Variants in SLC19A1 observed in about 807,000 individuals in gnomAD.
SLC19A1 encodes reduced folate transporter.
A neutral mutation model predicts 35.3 loss-of-function variants in SLC19A1; 37 were observed. The observed-to-expected ratio is 1.05, with a 90% CI of 0.81 to 1.38. The LOEUF (loss-of-function observed/expected upper bound fraction) is 1.38, where lower values mean the gene tolerates loss of function less well. Among genes scored for constraint, SLC19A1 ranks in the 40% most tolerant of loss-of-function variants. The pLI is 0.00. For missense variants in SLC19A1, 831 were observed against 826.9 expected, an observed-to-expected ratio of 1.00 and a Z score of -0.06; for synonymous variants, 460 against 398.5, an observed-to-expected ratio of 1.15 and a Z score of -1.84.
intron 4 of SLC19A1, among the ~76,000 whole-genome samples, chr21:45,529,881 G>A (rs374207167): frequency 6.6e-6 from 1 of 151,348 alleles, no homozygotes; most frequent in Non-Finnish European, 1.5e-5. Context: ...ATTCATGTGA[G>A]TGTGGTGGGT....
chr21:45,550,281 A>G (rs1284682485), intron 1 of SLC19A1, among the ~76,000 whole-genome samples: 4 of 152,076 alleles, frequency 2.6e-5, no homozygotes. Context: ...TGAGCCCCAA[A>G]GGGTCACATG....
At chr21:45,541,209 A>C (rs1165520027) in intron 1 of SLC19A1, among the ~76,000 whole-genome samples, 1 of 152,174 alleles carries the variant, frequency 6.6e-6, no homozygotes, top group Non-Finnish European at 1.5e-5. Flanking sequence ...AAATCCACCA[A>C]AGCCCCTTCG....
intron 1 of SLC19A1, among the ~76,000 whole-genome samples, chr21:45,541,432 C>T (rs748469995): frequency 6.6e-6 from 1 of 152,238 alleles, no homozygotes; most frequent in Non-Finnish European, 1.5e-5. Flanking sequence ...GGCCAACAGG[C>T]GCCTCCAAGG....
chr21:45,543,513 G>C (rs2078373059), upstream of SLC19A1, among the ~76,000 whole-genome samples: 3 of 152,214 alleles, frequency 2.0e-5, no homozygotes, highest in African/African-American at 4.8e-5. Context: ...AGCACAATCC[G>C]CGACCTGCCT....
chr21:45,561,782 T>G (rs2078617176), intron 1 of SLC19A1, among the ~76,000 whole-genome samples: 1 of 150,906 alleles, frequency 6.6e-6, no homozygotes, highest in South Asian at 2.1e-4. Flanking sequence ...AAATAAATAA[T>G]AAATAATTAA....
chr21:45,515,463 G>A lies in SLC19A1; in HGVS notation c.*195C>T, dbSNP rs2037860331. ...CGGGGCACAGTGCAGGGACAGCATG[G>A]CCAGGCAGCTGCCCTGAGTGTCGCC... is the stretch of plus-strand genomic sequence containing the variant. On this transcript the variant is annotated 3_prime_UTR_variant, in exon 6 of 6. Coordinates refer to ENST00000311124, the MANE Select transcript of SLC19A1 (RefSeq NM_194255.4). The A allele has an allele frequency of 1.3e-6, 2 of 1,485,524 alleles. No homozygotes were observed. The highest frequency in any genetic ancestry group is 2.5e-5 in the Admixed American group (1 of 40,106). The allele number at this position is 1,485,524 out of a possible 1,614,324, so 92.0% of individuals were successfully genotyped here. A position where few individuals can be genotyped will look rare whatever the true frequency, so the allele number is the denominator to read the frequency against.
chr21:45,526,721 G>A (rs992894012), intron 4 of SLC19A1, among the ~76,000 whole-genome samples: 6 of 152,164 alleles, frequency 3.9e-5, no homozygotes, highest in Admixed American at 2.0e-4. Flanking sequence ...ACAGGCACGC[G>A]CCATCATGCC....
Position 45,551,976 on chromosome 21 carries a change from G to A in SLC19A1, c.-50+10766C>T, listed in dbSNP as rs79128843. 9.6e-4 allele frequency among the ~76,000 whole-genome samples: 146 copies of A among 152,278 alleles called. 2 individuals carry two copies. In the East Asian group the frequency reaches 0.022, roughly 23 times the overall value. ...CGCCTGCGTGTTCTGCCGCCACGCT[G>A]GCCTGAGACCTCGGCTTCCTGTGCG... On this transcript the variant is annotated intron_variant, in intron 1 of 5. Coordinates refer to the SLC19A1 transcript ENST00000650808.
At position 45,505,208 on chromosome 21, in the gene SLC19A1, G is replaced by A. The variant is rs534342396; in HGVS notation, c.498-6596C>T. 111 of 1,603,498 alleles carry A rather than the reference G, an allele frequency of 6.9e-5. 1 individual carries two copies. In the South Asian group the frequency reaches 1.2e-3, roughly 17 times the overall value. On this transcript the variant is annotated intron_variant, in intron 3 of 4. Transcript: ENST00000417954. ...AGGGACCCCCCGGCATCGGCTACGAGGGGCGCCAGGGCCCTCCCGGCCCCC... is the reference window on the plus strand; with the variant it reads ...AGGGACCCCCCGGCATCGGCTACGAAGGGCGCCAGGGCCCTCCCGGCCCCC...
chr21:45,505,763 C>A, intron 3 of SLC19A1: 1 of 1,178,262 alleles, frequency 8.5e-7, no homozygotes, highest in Non-Finnish European at 1.2e-6. Flanking sequence ...CACCCTGAAA[C>A]GGGCATTCCT....
chr21:45,504,608 G>A, intron 3 of SLC19A1: 2 of 1,511,470 alleles, frequency 1.3e-6, no homozygotes, highest in Non-Finnish European at 1.8e-6. Context: ...TCTGGGTGCA[G>A]GAGCCGAGGG....
downstream of SLC19A1, among the ~76,000 whole-genome samples, chr21:45,509,198 T>TGCC (rs563275833): frequency 1.1e-4 from 16 of 152,118 alleles, no homozygotes; most frequent in East Asian, 3.1e-3. Flanking sequence ...CCCTTGCTGC[T>TGCC]GCCTACACCC....
chr21:45,536,822 G>T (rs1216942061), intron 2 of SLC19A1, among the ~76,000 whole-genome samples: 2 of 152,154 alleles, frequency 1.3e-5, no homozygotes, highest in African/African-American at 4.8e-5. Context: ...CCCTGGGATG[G>T]GGTGTCGGGG....
At chr21:45,525,743 G>A in intron 5 of SLC19A1, 74 bp downstream of exon 5, 1 of 1,540,522 alleles carries the variant, frequency 6.5e-7, no homozygotes, top group East Asian at 2.3e-5. Context: ...ACATCAGGCG[G>A]GCACCAGGAG....
At position 45,532,029 on chromosome 21, in the gene SLC19A1, G is replaced by A. The variant is rs765533133; in HGVS notation, c.309C>T (p.Phe103=). The A allele has an allele frequency of 1.2e-6, 2 of 1,611,880 alleles. No homozygotes were observed. The highest frequency in any genetic ancestry group is 2.2e-5 in the East Asian group (1 of 44,878). The part of the protein sequence containing the change: ...TPVLLLQGLS[F]VSVWLLLLLG... Reference sequence around the variant, plus strand: ...GCAGCAGCAGCAGCCACACCGACACGAAGCTGAGCCCCTGCAGCAGCAGCA... The same window carrying A: ...GCAGCAGCAGCAGCCACACCGACACAAAGCTGAGCCCCTGCAGCAGCAGCA... The change falls in exon 3 of 6, where the codon TTC becomes TTT. Residue 103 remains phenylalanine (F), a synonymous_variant. Transcript: ENST00000311124.
rs750345016 is a variant in SLC19A1 at position 45,530,730 on chromosome 21, C to T, written c.1151+40G>A. ...AGCGAAGCGCGGGGCTTGATCCTGG[C>T]GCCTGCCCGCCCCCGGCTTCCCACC... On this transcript the variant is annotated intron_variant, in intron 4 of 5. Coordinates refer to ENST00000311124, the MANE Select transcript of SLC19A1 (RefSeq NM_194255.4). This position sits in a 1 kb window ranked among gnomAD's most constrained non-coding sequence, Gnocchi z 5.3. The T allele has an allele frequency of 5.9e-6, 9 of 1,537,958 alleles. No individual in the cohort carries two copies. The highest frequency in any genetic ancestry group is 3.6e-5 in the South Asian group (3 of 83,684).
At chr21:45,504,116 G>A in intron 3 of SLC19A1, 1 of 1,567,726 alleles carries the variant, frequency 6.4e-7, no homozygotes, top group Admixed American at 1.7e-5. Flanking sequence ...CTGGGTGGCT[G>A]CTCCCAATTT....
At chr21:45,505,732 A>T in intron 3 of SLC19A1, 1 of 952,530 alleles carries the variant, frequency 1.0e-6, no homozygotes, top group South Asian at 1.4e-5. Flanking sequence ...ACCTGTCCAA[A>T]GCCCTGCGGC....
upstream of SLC19A1, among the ~76,000 whole-genome samples, chr21:45,542,663 G>T (rs1189893988): frequency 6.6e-6 from 1 of 151,226 alleles, no homozygotes; most frequent in Non-Finnish European, 1.5e-5. Context: ...CCTACCCCTG[G>T]GGCCGCCCCC....
Sources: allele counts gnomAD v4.1 joint callset (sites outside exome capture counted in the v4.1 genomes callset), GRCh38; gene constraint gnomAD v4.1.1; non-coding constraint Gnocchi (gnomAD v3.1); transcripts MANE v1.5; gene names NCBI Gene and HGNC (gene_info 2026-07-23, HGNC 2026-07-21).